The following LRRC8D variants were observed in gnomAD, a reference collection of about 807,000 sequenced individuals.
LRRC8D encodes the protein volume-regulated anion channel subunit LRRC8D.
Under a neutral mutation model 55.8 loss-of-function variants are expected in LRRC8D, and 20 were observed. That is an observed-to-expected ratio of 0.36 (90% CI 0.25 to 0.52). LRRC8D has a LOEUF of 0.52. Among genes scored for constraint, LRRC8D ranks in the 20% least tolerant of loss-of-function variants. The pLI is 0.93. For missense variants in LRRC8D, 651 were observed against 1,030.8 expected, an observed-to-expected ratio of 0.63 and a Z score of 5.05; for synonymous variants, 352 against 377.0, an observed-to-expected ratio of 0.93 and a Z score of 0.77.
At chr1:89,895,850 C>G (rs17130920) in intron 2 of LRRC8D, among the ~76,000 whole-genome samples, 2,019 of 152,224 alleles carry the variant, frequency 0.013, 44 homozygotes, top group African/African-American at 0.047. Flanking sequence ...TAGAATGTCT[C>G]TGAGTCTGAT....
At chr1:89,836,304 AT>A (rs1472604123) in intron 1 of LRRC8D, among the ~76,000 whole-genome samples, 60 of 152,340 alleles carry the variant, frequency 3.9e-4, no homozygotes, top group African/African-American at 1.4e-3. Flanking sequence ...ATTTCTCAAC[AT>A]TAAAGAAATT....
chr1:89,859,681 A>C (rs1474929682), intron 2 of LRRC8D, among the ~76,000 whole-genome samples: 1 of 152,224 alleles, frequency 6.6e-6, no homozygotes, highest in Non-Finnish European at 1.5e-5. Flanking sequence ...AAGGATTGAT[A>C]GGCCCTATTT....
chr1:89,839,263 C>G (rs540094971), intron 1 of LRRC8D, among the ~76,000 whole-genome samples: 22 of 152,184 alleles, frequency 1.4e-4, no homozygotes, highest in Non-Finnish European at 2.8e-4. Flanking sequence ...GAGGGTTTGT[C>G]CTATGTAATG....
At chr1:89,894,430 T>C (rs1042642116) in intron 2 of LRRC8D, among the ~76,000 whole-genome samples, 2 of 152,146 alleles carry the variant, frequency 1.3e-5, no homozygotes, top group African/African-American at 4.8e-5. Flanking sequence ...CTGGAATGTA[T>C]AGTAGAAATG....
At chr1:89,900,977 G>A (rs1376853102) in intron 2 of LRRC8D, among the ~76,000 whole-genome samples, 1 of 152,158 alleles carries the variant, frequency 6.6e-6, no homozygotes, top group Non-Finnish European at 1.5e-5. Flanking sequence ...TGTGCTGTAG[G>A]CTTTCCTGCC....
intron 2 of LRRC8D, among the ~76,000 whole-genome samples, chr1:89,849,567 A>G (rs979496836): frequency 6.6e-6 from 1 of 151,736 alleles, no homozygotes; most frequent in African/African-American, 2.4e-5. Flanking sequence ...AATTATAATT[A>G]TACCTAACCA....
At chr1:89,858,312 G>A (rs1269724974) in intron 2 of LRRC8D, among the ~76,000 whole-genome samples, 1 of 152,208 alleles carries the variant, frequency 6.6e-6, no homozygotes, top group Middle Eastern at 3.2e-3. Flanking sequence ...TGGGTGGGGT[G>A]GAGAGGGGAT....
At chr1:89,833,770 G>A (rs760210661) in intron 1 of LRRC8D, 14 of 152,312 alleles carry the variant, frequency 9.2e-5, no homozygotes, top group Admixed American at 6.5e-5. Flanking sequence ...CCATGGGTGG[G>A]TGGTGAGGTA....
In LRRC8D at chr1:89,934,474, A is replaced by G. The variant is rs1663786213; in HGVS notation, c.1406A>G (p.Gln469Arg). 1.2e-6 allele frequency: 2 copies of G among 1,614,100 alleles called. No homozygotes were observed. ...AGGCAGCACATTTCACGCAACGCCC[A>G]GGACAAGCAGGAGTTGCATCTGTTC... ...KLRQHISRNAQDKQELHLFML... is the reference protein window; with the variant it reads ...KLRQHISRNARDKQELHLFML... The change falls in exon 3 of 3, where the codon CAG (glutamine) becomes CGG (arginine). Residue 469 changes from glutamine to arginine, a missense_variant. Physicochemically the swap from Gln to Arg is conservative, Grantham distance 43. Around this residue, in one of 5 missense-constraint regions of LRRC8D, gnomAD observed 338 missense variants for 479.4 expected, o/e 0.71. Transcript: ENST00000337338. The surrounding 1 kb of genome is among the most constrained non-coding windows in gnomAD (Gnocchi z 5.9).
At chr1:89,826,735 A>C (rs1660774852) in intron 1 of LRRC8D, among the ~76,000 whole-genome samples, 1 of 152,142 alleles carries the variant, frequency 6.6e-6, no homozygotes, top group Admixed American at 6.5e-5. Flanking sequence ...CTCGGGTCTT[A>C]TTTACATAAT....
chr1:89,832,666 C>G (rs1441373049), intron 1 of LRRC8D, among the ~76,000 whole-genome samples: 1 of 152,142 alleles, frequency 6.6e-6, no homozygotes, highest in African/African-American at 2.4e-5. Flanking sequence ...CACTGCTCGG[C>G]CTTCTAGGGA....
intron 2 of LRRC8D, among the ~76,000 whole-genome samples, chr1:89,853,354 G>A (rs1162758192): frequency 1.3e-5 from 2 of 152,104 alleles, no homozygotes; most frequent in Non-Finnish European, 2.9e-5. Context: ...ATCTTAAGAG[G>A]CCTGAGCCCC....
chr1:89,844,763 C>T (rs1265161990), intron 2 of LRRC8D, among the ~76,000 whole-genome samples: 1 of 152,190 alleles, frequency 6.6e-6, no homozygotes, highest in Non-Finnish European at 1.5e-5. Context: ...CTTCTCCCCC[C>T]AGTGAAAGCC....
At chr1:89,916,648 CTG>C (rs947985889) in intron 2 of LRRC8D, among the ~76,000 whole-genome samples, 148 of 152,196 alleles carry the variant, frequency 9.7e-4, no homozygotes, top group African/African-American at 3.4e-3. Flanking sequence ...TAGTTTAACT[CTG>C]TGTCTCCTCA....
intron 2 of LRRC8D, among the ~76,000 whole-genome samples, chr1:89,858,275 TG>T (rs2100786180): frequency 6.6e-6 from 1 of 152,334 alleles, no homozygotes; most frequent in South Asian, 2.1e-4. Flanking sequence ...ATACTTTTTT[TG>T]TTTGCTGTTA....
In LRRC8D at chr1:89,933,503, A is replaced by G. The variant is rs2101002261; in HGVS notation, c.435A>G (p.Gln145=). 1 of 1,614,172 alleles carries G rather than the reference A, an allele frequency of 6.2e-7. No homozygotes were observed. Among genetic ancestry groups the G allele is most frequent in the East Asian group, 2.2e-5 (1 of 44,892 alleles). The change falls in exon 3 of 3, where the codon CAA becomes CAG. Residue 145 remains glutamine (Q), a synonymous_variant. Coordinates refer to ENST00000337338, the MANE Select transcript of LRRC8D (RefSeq NM_001134479.2). The surrounding 1 kb of genome is among the most constrained non-coding windows in gnomAD (Gnocchi z 7.0). ...GAAAAACAAACTTGGATTTTCAGCA[A>G]TATGTATTTATTAATCAAATGTGTT... The part of the protein sequence containing the change: ...TGRKTNLDFQ[Q]YVFINQMCYH...
At chr1:89,847,012 A>G (rs779080417) in intron 2 of LRRC8D, among the ~76,000 whole-genome samples, 4 of 152,196 alleles carry the variant, frequency 2.6e-5, no homozygotes, top group Non-Finnish European at 5.9e-5. Flanking sequence ...TCCAGCTCAC[A>G]GTAATCCACT....
chr1:89,891,793 C>G (rs1342400143), intron 2 of LRRC8D, among the ~76,000 whole-genome samples: 1 of 152,216 alleles, frequency 6.6e-6, no homozygotes, highest in Non-Finnish European at 1.5e-5. Context: ...ATAACACCTT[C>G]TTAATTAGCT....
intron 2 of LRRC8D, among the ~76,000 whole-genome samples, chr1:89,859,565 G>A (rs1661648200): frequency 6.6e-6 from 1 of 152,098 alleles, no homozygotes; most frequent in Admixed American, 6.6e-5. Context: ...TTCAATACAG[G>A]GAAAGAGGAT....
Sources: gnomAD v4.1 joint callset for allele counts (sites outside exome capture counted in the v4.1 genomes callset) on GRCh38, gnomAD v4.1.1 for gene constraint, gnomAD v4.1.1 regional missense constraint, Gnocchi (gnomAD v3.1) non-coding constraint, MANE v1.5 for transcripts, NCBI Gene and HGNC (gene_info 2026-07-23, HGNC 2026-07-21) for gene names.